CAPZB: variants seen among roughly 807,000 people sequenced by gnomAD.
CAPZB encodes the protein F-actin-capping protein subunit beta.
Under a neutral mutation model 38.1 loss-of-function variants are expected in CAPZB, and 2 were observed. That is an observed-to-expected ratio of 0.05 (90% CI 0.02 to 0.17). The LOEUF (loss-of-function observed/expected upper bound fraction) is 0.17. Ranked by LOEUF, CAPZB falls within the 10% of genes least tolerant of loss-of-function variation. CAPZB has a pLI of 1.00. For missense variants in CAPZB, 161 were observed against 334.2 expected, an observed-to-expected ratio of 0.48 and a Z score of 4.04; for synonymous variants, 107 against 127.4, an observed-to-expected ratio of 0.84 and a Z score of 1.08.
Position 19,384,954 on chromosome 1 carries a change from A to G in CAPZB, c.215+551T>C, listed in dbSNP as rs1035426886. ...ACATCATACAGTTACCAGTTACCCA[A>G]TGTGTCTCCTATGCTAGACCTGGTG... is the stretch of plus-strand genomic sequence containing the variant. On this transcript the variant is annotated intron_variant, in intron 3 of 8. Coordinates refer to ENST00000264202, the MANE Select transcript of CAPZB (RefSeq NM_004930.5). 5.9e-5 allele frequency among the ~76,000 whole-genome samples: 9 copies of G among 152,082 alleles called. No individual in the cohort carries two copies. In the East Asian group the frequency reaches 1.3e-3, roughly 23 times the overall value.
chr1:19,449,263 A>T, intron 1 of CAPZB: 5 of 1,070,144 alleles, frequency 4.7e-6, no homozygotes, highest in Non-Finnish European at 5.7e-6. Context: ...ACACTTGAAA[A>T]TTCCGATGAC....
At chr1:19,379,487 A>C (rs2094162445) in intron 3 of CAPZB, among the ~76,000 whole-genome samples, 2 of 152,212 alleles carry the variant, frequency 1.3e-5, no homozygotes, top group Non-Finnish European at 2.9e-5. Flanking sequence ...ACCTTCTTAC[A>C]TAGTAAGCGT....
intron 4 of CAPZB, among the ~76,000 whole-genome samples, chr1:19,369,010 T>TAG (rs1388816243): frequency 1.3e-5 from 2 of 151,790 alleles, no homozygotes; most frequent in Middle Eastern, 3.2e-3. Context: ...AACCAAAGAG[T>TAG]GACTGTGTGC....
intron 2 of CAPZB, among the ~76,000 whole-genome samples, chr1:19,391,785 T>C (rs2094236929): frequency 6.6e-6 from 1 of 152,144 alleles, no homozygotes; most frequent in Admixed American, 6.5e-5. Flanking sequence ...AAACCCCGAA[T>C]GCCCGCTCCA....
At chr1:19,411,359 G>T (rs1425826982) in intron 2 of CAPZB, among the ~76,000 whole-genome samples, 17 of 152,178 alleles carry the variant, frequency 1.1e-4, no homozygotes, top group Non-Finnish European at 2.9e-5. Flanking sequence ...AATAACCAAA[G>T]CTTACTGCGT....
rs1297090930 is a variant in CAPZB, at chr1:19,481,896, G to GTGA, written c.3+3537_3+3539dup. Among the ~76,000 whole-genome samples the GTGA allele has an allele frequency of 1.8e-4, 28 of 152,226 alleles. No homozygotes were observed. In the East Asian group the frequency reaches 2.9e-3, roughly 16 times the overall value. On this transcript the variant is annotated intron_variant, in intron 1 of 8. Transcript: ENST00000264202. ...GATGACATCCCCACCCCTCAACAATGTGAGCCATGAGGGCAGAGATCCTTG... is the reference window on the plus strand; with the variant it reads ...GATGACATCCCCACCCCTCAACAATGTGATGAGCCATGAGGGCAGAGATCCTTG...
intron 1 of CAPZB, among the ~76,000 whole-genome samples, chr1:19,476,526 T>C: frequency 6.6e-6 from 1 of 152,196 alleles, no homozygotes; most frequent in African/African-American, 2.4e-5. Flanking sequence ...AGCCAAAGGA[T>C]CCTGCAAGGC....
At chr1:19,421,841 C>T (rs2094402372) in intron 1 of CAPZB, among the ~76,000 whole-genome samples, 1 of 152,116 alleles carries the variant, frequency 6.6e-6, no homozygotes, top group Admixed American at 6.6e-5. Flanking sequence ...GCATGTGGAA[C>T]ATTTAATACA....
intron 8 of CAPZB, among the ~76,000 whole-genome samples, chr1:19,340,987 T>G (rs2268810): frequency 0.19 from 29,524 of 151,822 alleles, 3,164 homozygotes; most frequent in Admixed American, 0.23. Flanking sequence ...GAAGCAAAAA[T>G]GGGCAAATGG....
chr1:19,469,930 A>G (rs2094581468), intron 1 of CAPZB, among the ~76,000 whole-genome samples: 1 of 152,190 alleles, frequency 6.6e-6, no homozygotes, highest in Non-Finnish European at 1.5e-5. Flanking sequence ...ACTCAACACT[A>G]GCACATCTTC....
At chr1:19,416,046 CA>C (rs1192558383) in intron 2 of CAPZB, among the ~76,000 whole-genome samples, 1 of 152,246 alleles carries the variant, frequency 6.6e-6, no homozygotes, top group Non-Finnish European at 1.5e-5. Context: ...GTGGCCTCCA[CA>C]CAGCCGGTGA....
At chr1:19,399,171 T>C (rs531875845) in intron 2 of CAPZB, among the ~76,000 whole-genome samples, 18 of 152,288 alleles carry the variant, frequency 1.2e-4, no homozygotes, top group African/African-American at 4.3e-4. Context: ...TGCACAACTC[T>C]TGCGTGTGCT....
At chr1:19,341,173 T>C (rs2093926258) in intron 8 of CAPZB, among the ~76,000 whole-genome samples, 1 of 152,218 alleles carries the variant, frequency 6.6e-6, no homozygotes, top group Non-Finnish European at 1.5e-5. Context: ...ATTTGGTTCA[T>C]GCTGGGGAAA....
chr1:19,449,178 G>T, intron 1 of CAPZB: 2 of 1,273,132 alleles, frequency 1.6e-6, no homozygotes, highest in Non-Finnish European at 2.0e-6. Flanking sequence ...GTGCACTGCG[G>T]TGTCTCTGAG....
chr1:19,422,976 G>A (rs1196276738), intron 1 of CAPZB, among the ~76,000 whole-genome samples: 1 of 152,156 alleles, frequency 6.6e-6, no homozygotes, highest in Non-Finnish European at 1.5e-5. Context: ...CAAGGTGAAA[G>A]ACACTGTTTT....
intron 1 of CAPZB, among the ~76,000 whole-genome samples, chr1:19,426,951 C>T (rs2094425048): frequency 6.6e-6 from 1 of 152,328 alleles, no homozygotes; most frequent in Admixed American, 6.5e-5. Context: ...GGAGCCTCTA[C>T]AGCAACCAGG....
At chr1:19,434,992 C>T (rs1236718957) in intron 1 of CAPZB, among the ~76,000 whole-genome samples, 1 of 16,340 alleles carries the variant, frequency 6.1e-5, no homozygotes, top group African/African-American at 1.9e-4. Flanking sequence ...CTTTCTGTCT[C>T]AAAGGAAAAA....
chr1:19,375,490 C>T (rs1008189541), intron 4 of CAPZB, among the ~76,000 whole-genome samples: 7 of 152,228 alleles, frequency 4.6e-5, no homozygotes, highest in Non-Finnish European at 7.3e-5. Context: ...TCCTTCCTCC[C>T]GAGGTGCTGG....
chr1:19,461,816 C>T (rs1199602512), intron 1 of CAPZB, among the ~76,000 whole-genome samples: 3 of 152,176 alleles, frequency 2.0e-5, no homozygotes, highest in Non-Finnish European at 4.4e-5. Flanking sequence ...CCTCACTGAG[C>T]CTCAGTTTTC....
Sources: gnomAD v4.1 joint callset for allele counts (sites outside exome capture counted in the v4.1 genomes callset) on GRCh38, gnomAD v4.1.1 for gene constraint, MANE v1.5 for transcripts, NCBI Gene and HGNC (gene_info 2026-07-23, HGNC 2026-07-21) for gene names.